The following LRRK1 variants were observed in gnomAD, a reference collection of about 807,000 sequenced individuals.
The protein encoded by LRRK1 is leucine-rich repeat serine/threonine-protein kinase 1.
Under a neutral mutation model 209.1 loss-of-function variants are expected in LRRK1, and 113 were observed. That is an observed-to-expected ratio of 0.54 (90% CI 0.46 to 0.63). LRRK1 has a LOEUF of 0.63. LRRK1 is among the 30% of genes least tolerant of loss of function. LRRK1 has a pLI of 0.00. For missense variants in LRRK1, 2,284 were observed against 2,632.2 expected, an observed-to-expected ratio of 0.87 and a Z score of 2.89; for synonymous variants, 1,144 against 1,099.7, an observed-to-expected ratio of 1.04 and a Z score of -0.80.
chr15:101,007,965 C>T (rs574067708), intron 6 of LRRK1, among the ~76,000 whole-genome samples: 2 of 151,550 alleles, frequency 1.3e-5, no homozygotes, highest in East Asian at 3.9e-4. Context: ...AGCCTGAGCT[C>T]GACGAACATG....
intron 6 of LRRK1, among the ~76,000 whole-genome samples, chr15:100,999,921 T>C (rs11857262): frequency 0.12 from 18,894 of 152,202 alleles, 1,259 homozygotes; most frequent in African/African-American, 0.15. Context: ...ATCTTGTAAG[T>C]TATTTTTGTA....
intron 2 of LRRK1, among the ~76,000 whole-genome samples, chr15:100,941,316 G>GTGTGTCTA (rs2042407307): frequency 7.3e-6 from 1 of 136,164 alleles, no homozygotes; most frequent in African/African-American, 2.9e-5. Flanking sequence ...GTGTGTGTCT[G>GTGTGTCTA]TGTGTGTGTG....
In LRRK1 at chr15:101,052,952, C is replaced by T. The variant is rs1391459204; in HGVS notation, c.3720C>T (p.His1240=). 10 of 1,611,008 alleles carry T rather than the reference C, an allele frequency of 6.2e-6. No homozygotes were observed. Among genetic ancestry groups the T allele is most frequent in the African/African-American group, 1.3e-5 (1 of 74,900 alleles). The change falls in exon 25 of 34, where the codon CAC becomes CAT. Residue 1240 remains histidine (H), a synonymous_variant. Coordinates refer to ENST00000388948, the MANE Select transcript of LRRK1 (RefSeq NM_024652.6). ...TCCTGGAGAACAGCAAGCTGGAGCA[C>T]AGCGAGGACGAGGGCAGCGTCCTGG... ...RLFLENSKLE[H]SEDEGSVLGQ... is the part of the protein sequence containing the mutation.
chr15:101,058,617 C>CGGG (rs1555479973), intron 29 of LRRK1, among the ~76,000 whole-genome samples: 14,048 of 74,570 alleles, frequency 0.19, 2,962 homozygotes, highest in East Asian at 0.32. Flanking sequence ...GAAGGGGCAA[C>CGGG]GGGGGGGGGC....
chr15:100,940,599 G>A (rs542283241), intron 2 of LRRK1, among the ~76,000 whole-genome samples: 1 of 152,252 alleles, frequency 6.6e-6, no homozygotes, highest in African/African-American at 2.4e-5. Flanking sequence ...AAGAGTTTTA[G>A]TTGATTCTTG....
intron 4 of LRRK1, 178 bp downstream of exon 4, chr15:100,983,877 C>T (rs752348298): frequency 1.3e-6 from 1 of 764,468 alleles, no homozygotes; most frequent in Admixed American, 1.7e-5. Flanking sequence ...CCTCTCACTC[C>T]CATGAACTCA....
intron 6 of LRRK1, among the ~76,000 whole-genome samples, chr15:100,998,007 C>T (rs973195821): frequency 2.4e-4 from 36 of 151,996 alleles, no homozygotes; most frequent in African/African-American, 8.2e-4. Context: ...GGTGAAACCC[C>T]CCCGTCTCTA....
intron 2 of LRRK1, among the ~76,000 whole-genome samples, chr15:100,941,294 G>A (rs879352456): frequency 7.4e-6 from 1 of 134,776 alleles, no homozygotes; most frequent in African/African-American, 3.0e-5. Context: ...GTGTGTCTGT[G>A]TGTGTCTATG....
intron 2 of LRRK1, among the ~76,000 whole-genome samples, chr15:100,962,158 AT>A (rs34550019): frequency 4.6e-5 from 7 of 151,778 alleles, no homozygotes; most frequent in African/African-American, 1.2e-4. Flanking sequence ...TCATCTTTTA[AT>A]TTTTTTTTCT....
chr15:101,052,608 A>T (rs1474473974), intron 24 of LRRK1, among the ~76,000 whole-genome samples: 1 of 152,240 alleles, frequency 6.6e-6, no homozygotes, highest in African/African-American at 2.4e-5. Context: ...CACCTTTCAG[A>T]AGAAAACTTC....
At chr15:100,922,439 GA>G (rs1466873193) in intron 1 of LRRK1, among the ~76,000 whole-genome samples, 1 of 144,396 alleles carries the variant, frequency 6.9e-6, no homozygotes, top group Non-Finnish European at 1.6e-5. Flanking sequence ...ATAATTTTAA[GA>G]TTTTTTTTTT....
At position 101,024,888 on chromosome 15, in the gene LRRK1, C is replaced by A; in HGVS notation, c.2153C>A (p.Ala718Asp). Residue 718 changes from alanine to aspartate, a missense_variant, in exon 16 of 34, where the codon GCC becomes GAC. Physicochemically the swap from Ala to Asp is moderately radical, Grantham distance 126. Around this residue, in one of 6 missense-constraint regions of LRRK1, gnomAD observed 780 missense variants for 985.2 expected, o/e 0.79. Coordinates refer to ENST00000388948, the MANE Select transcript of LRRK1 (RefSeq NM_024652.6). The surrounding 1 kb of genome is among the most constrained non-coding windows in gnomAD (Gnocchi z 4.6). ...AACCAGTGCTTCTTCACGGACAAGG[C>A]CCTGTACGTGGTGGTCTGGAACCTG... is the stretch of plus-strand genomic sequence containing the variant. ...TVNQCFFTDK[A>D]LYVVVWNLAL... is the part of the protein sequence containing the mutation. 3 of 1,614,172 alleles carry A rather than the reference C, an allele frequency of 1.9e-6. No individual in the cohort carries two copies. Among genetic ancestry groups the A allele is most frequent in the Non-Finnish European group, 2.5e-6 (3 of 1,180,010 alleles).
At chr15:100,933,821 CAAAAAAAAAAAAAAAAAAA>C (rs67129854) in intron 2 of LRRK1, among the ~76,000 whole-genome samples, 4 of 42,832 alleles carry the variant, frequency 9.3e-5, no homozygotes, top group East Asian at 8.6e-4. Context: ...GACTCCATCT[CAAAAAAAAAAAAAAAAAAA>C]AAAAAAAAAA....
chr15:101,055,185 GC>G lies in LRRK1; in HGVS notation c.4298del (p.Pro1433GlnfsTer13). 6.2e-7 allele frequency: 1 copy of G among 1,602,614 alleles called. No individual in the cohort carries two copies. Among genetic ancestry groups the G allele is most frequent in the Non-Finnish European group, 8.5e-7 (1 of 1,174,480 alleles). On this transcript the variant is annotated frameshift_variant, in exon 27 of 34. Coordinates refer to ENST00000388948, the MANE Select transcript of LRRK1 (RefSeq NM_024652.6). LOFTEE classifies it high-confidence loss of function. ...CGTGGAGGGCACTCCTGGCTACCAG[GC>G]CCCAGAGATCAGGCCTCGCATTGTA... Reference protein sequence around the residue: ...LGVEGTPGYQAPEIRPRIVYD... With the variant: ...LGVEGTPGYQXPEIRPRIVYD...
intron 12 of LRRK1, among the ~76,000 whole-genome samples, chr15:101,017,346 C>T (rs552962407): frequency 6.6e-5 from 10 of 152,176 alleles, no homozygotes; most frequent in Non-Finnish European, 1.2e-4. Context: ...CCCATAAGAG[C>T]GTGTGTATTT....
chr15:101,002,444 G>C (rs1167802005), intron 6 of LRRK1, among the ~76,000 whole-genome samples: 1 of 152,218 alleles, frequency 6.6e-6, no homozygotes, highest in Non-Finnish European at 1.5e-5. Flanking sequence ...GAAATTTAAA[G>C]GGCTCATGCT....
At chr15:101,005,925 T>G (rs2032927892) in intron 6 of LRRK1, among the ~76,000 whole-genome samples, 1 of 152,110 alleles carries the variant, frequency 6.6e-6, no homozygotes, top group South Asian at 2.1e-4. Flanking sequence ...TAGCAAAACT[T>G]TCTCATTGCA....
At chr15:101,040,631 A>AT (rs1255016392) in intron 20 of LRRK1, among the ~76,000 whole-genome samples, 1 of 151,766 alleles carries the variant, frequency 6.6e-6, no homozygotes, top group Admixed American at 6.6e-5. Context: ...AGCCTTTCCT[A>AT]TTTTCTATGT....
chr15:100,953,477 A>G (rs1293325790), intron 2 of LRRK1, among the ~76,000 whole-genome samples: 1 of 150,248 alleles, frequency 6.7e-6, no homozygotes, highest in Non-Finnish European at 1.5e-5. Context: ...AAGGTTGTAT[A>G]GTATTCCATT....
Sources: allele counts gnomAD v4.1 joint callset (sites outside exome capture counted in the v4.1 genomes callset), GRCh38; gene constraint gnomAD v4.1.1; regional missense constraint gnomAD v4.1.1; non-coding constraint Gnocchi (gnomAD v3.1); transcripts MANE v1.5; gene names NCBI Gene and HGNC (gene_info 2026-07-23, HGNC 2026-07-21).